Variants in DNAJC15 observed in about 807,000 individuals in gnomAD.
DNAJC15 encodes the protein dnaJ homolog subfamily C member 15.
A neutral mutation model predicts 22.4 loss-of-function variants in DNAJC15; 27 were observed. That is an observed-to-expected ratio of 1.20 (90% confidence interval 0.89 to 1.66). The LOEUF (loss-of-function observed/expected upper bound fraction) is 1.66. DNAJC15 is among the 40% of genes most tolerant of loss of function. The pLI, the probability that DNAJC15 is intolerant of heterozygous loss-of-function variation, is 0.00. For missense variants in DNAJC15, 208 were observed against 187.1 expected (o/e 1.11, Z -0.65); for synonymous variants, 79 against 63.2 (o/e 1.25, Z -1.19).
At chr13:43,070,565 C>T (rs1234452304) in intron 3 of DNAJC15, among the ~76,000 whole-genome samples, 1 of 151,944 alleles carries the variant, frequency 6.6e-6, no homozygotes, top group African/African-American at 2.4e-5. Flanking sequence ...GAATCTTTAC[C>T]TTAGATAGGC....
At chr13:43,044,777 A>G (rs2040468648) in intron 1 of DNAJC15, among the ~76,000 whole-genome samples, 1 of 151,558 alleles carries the variant, frequency 6.6e-6, no homozygotes, top group South Asian at 2.1e-4. Context: ...AGCAAATCCT[A>G]TTGGCCTTAC....
chr13:43,053,344 C>G (rs756419988), intron 1 of DNAJC15, among the ~76,000 whole-genome samples: 1 of 152,150 alleles, frequency 6.6e-6, no homozygotes, highest in Admixed American at 6.6e-5. Context: ...TGTGATGCCT[C>G]CAGATTTGTT....
chr13:43,074,651 A>G (rs1458834813), intron 3 of DNAJC15, among the ~76,000 whole-genome samples: 2 of 152,204 alleles, frequency 1.3e-5, no homozygotes, highest in East Asian at 3.8e-4. Context: ...ACAGAGTTAC[A>G]ATTTTGTGCT....
chr13:43,048,158 T>G (rs1392755579), intron 1 of DNAJC15, among the ~76,000 whole-genome samples: 2 of 152,204 alleles, frequency 1.3e-5, no homozygotes, highest in Non-Finnish European at 2.9e-5. Flanking sequence ...TTTGTAATTT[T>G]TGACAAGTGT....
Position 43,109,209 on chromosome 13 carries a change from A to G in DNAJC15, c.*1961A>G, listed in dbSNP as rs931114763. ...CACTTTATTCTTCACATGGTACATA[A>G]CTATAGGGGCTATAGCTTGGTACCT... On this transcript the variant is annotated 3_prime_UTR_variant, in exon 6 of 6. Transcript: ENST00000379221. 4.6e-5 allele frequency: 7 copies of G among 152,178 alleles called. No homozygotes were observed. Among genetic ancestry groups the G allele is most frequent in the African/African-American group, 9.7e-5 (4 of 41,432 alleles). The allele number at this position is 152,178 out of a possible 1,614,324, so 9.4% of individuals were successfully genotyped here. A position where few individuals can be genotyped will look rare whatever the true frequency, so the allele number is the denominator to read the frequency against.
rs116395845 is a variant in DNAJC15 at position 43,023,621 on chromosome 13, C to T, written c.-6C>T. Reference sequence around the variant, plus strand: ...GCGGCGCCTTGAGTCTCCGGGCCGCCTTGCCATGGCTGCCCGTGGTGTCAT... The same window carrying T: ...GCGGCGCCTTGAGTCTCCGGGCCGCTTTGCCATGGCTGCCCGTGGTGTCAT... On this transcript the variant is annotated 5_prime_UTR_variant, in exon 1 of 6. Coordinates refer to ENST00000379221, the MANE Select transcript of DNAJC15 (RefSeq NM_013238.3). 1.6e-4 allele frequency: 251 copies of T among 1,608,170 alleles called. 1 individual carries two copies. The African/African-American group carries it at 2.8e-3, about 18-fold the overall frequency.
Position 43,091,116 on chromosome 13 carries a change from A to G in DNAJC15, c.382+5278A>G, listed in dbSNP as rs537086629. Among the ~76,000 whole-genome samples, 3 of 150,170 alleles carry G rather than the reference A, an allele frequency of 2.0e-5. No homozygotes were observed. The South Asian group carries it at 6.4e-4, about 32-fold the overall frequency. ...TTTTTTATTTTTGAGACAGAATCTC[A>G]CTCTGTCACCTAGGCTGGAGTGCAG... On this transcript the variant is annotated intron_variant, in intron 5 of 5. Transcript: ENST00000379221.
At chr13:43,038,670 T>A (rs1254269758) in intron 1 of DNAJC15, among the ~76,000 whole-genome samples, 1 of 151,782 alleles carries the variant, frequency 6.6e-6, no homozygotes, top group Non-Finnish European at 1.5e-5. Context: ...CTGGCTCCTG[T>A]AGTACCAGCT....
chr13:43,085,913 A>G lies in DNAJC15; in HGVS notation c.382+75A>G, dbSNP rs75881215. 1.7e-4 allele frequency: 208 copies of G among 1,215,662 alleles called. 2 individuals are homozygous for G. In the East Asian group the frequency reaches 3.9e-3, roughly 23 times the overall value. The allele number at this position is 1,215,662 out of a possible 1,614,324, so 75.3% of individuals were successfully genotyped here. On this transcript the variant is annotated intron_variant, in intron 5 of 5. Transcript: ENST00000379221. ...AATTCCTTTCAGATTAAAGTCATAT[A>G]TGATATATAGTTGAGATGGAAGTTT...
At chr13:43,033,401 A>T (rs1358325336) in intron 1 of DNAJC15, among the ~76,000 whole-genome samples, 1 of 152,074 alleles carries the variant, frequency 6.6e-6, no homozygotes, top group African/African-American at 2.4e-5. Flanking sequence ...TGGGTGACAG[A>T]GTGAGACCCT....
At chr13:43,101,513 C>T (rs1410468178) in intron 5 of DNAJC15, among the ~76,000 whole-genome samples, 1 of 152,190 alleles carries the variant, frequency 6.6e-6, no homozygotes, top group Non-Finnish European at 1.5e-5. Context: ...GTGCACTCAT[C>T]ACCCAAGCAG....
At chr13:43,084,908 G>C (rs1452859522) in intron 4 of DNAJC15, among the ~76,000 whole-genome samples, 1 of 152,084 alleles carries the variant, frequency 6.6e-6, no homozygotes. Flanking sequence ...CTATAATGAA[G>C]CACTTGCTAC....
Position 43,082,190 on chromosome 13 carries a change from A to G in DNAJC15, c.311+3502A>G, listed in dbSNP as rs149988319. On this transcript the variant is annotated intron_variant, in intron 4 of 5. Coordinates refer to ENST00000379221, the MANE Select transcript of DNAJC15 (RefSeq NM_013238.3). ...CTCAAAAGCTCAGTAGTAGAAAAAA[A>G]AAAAGATGAAACCAAAACTGCTCCA... 6.2e-3 allele frequency among the ~76,000 whole-genome samples: 936 copies of G among 152,176 alleles called. 7 individuals carry two copies. Among genetic ancestry groups the G allele is most frequent in the Middle Eastern group, 0.024 (7 of 294 alleles).
Position 43,108,881 on chromosome 13 carries a change from A to C in DNAJC15, c.*1633A>C, listed in dbSNP as rs568983612. On this transcript the variant is annotated 3_prime_UTR_variant, in exon 6 of 6. Coordinates refer to ENST00000379221, the MANE Select transcript of DNAJC15 (RefSeq NM_013238.3). ...AAATTGATGGAACCTTGAAGTCGAT[A>C]AAATATATTTCTTGCTTTAAAGTCC... The C allele has an allele frequency of 5.9e-5, 9 of 152,186 alleles. No homozygotes were observed. In the South Asian group the frequency reaches 1.9e-3, roughly 32 times the overall value. 9.4% of individuals were successfully genotyped at this position (152,186 alleles called of 1,614,324 possible).
At chr13:43,038,476 AT>A (rs1364480520) in intron 1 of DNAJC15, among the ~76,000 whole-genome samples, 1 of 152,204 alleles carries the variant, frequency 6.6e-6, no homozygotes, top group Non-Finnish European at 1.5e-5. Flanking sequence ...CCATTTTTGT[AT>A]TAAACATAGG....
chr13:43,036,166 C>CTTTTTTTTT (rs1181907862), intron 1 of DNAJC15, among the ~76,000 whole-genome samples: 3 of 125,924 alleles, frequency 2.4e-5, no homozygotes, highest in African/African-American at 6.0e-5. Context: ...CAGTTTCTGT[C>CTTTTTTTTT]TTTTTTTTTT....
At chr13:43,026,904 T>C (rs144445822) in intron 1 of DNAJC15, among the ~76,000 whole-genome samples, 5 of 152,178 alleles carry the variant, frequency 3.3e-5, no homozygotes, top group Non-Finnish European at 1.5e-5. Flanking sequence ...TAAATATATC[T>C]TGTCATATTT....
At chr13:43,059,957 G>A (rs1471381078) in intron 1 of DNAJC15, among the ~76,000 whole-genome samples, 1 of 152,106 alleles carries the variant, frequency 6.6e-6, no homozygotes, top group Admixed American at 6.5e-5. Context: ...GTTAGGGTGG[G>A]GCAGAAACAA....
intron 4 of DNAJC15, among the ~76,000 whole-genome samples, chr13:43,081,072 A>G (rs1323464337): frequency 6.6e-6 from 1 of 152,228 alleles, no homozygotes; most frequent in Non-Finnish European, 1.5e-5. Flanking sequence ...ACATTCTGAC[A>G]TATTGCATAT....
Sources: gnomAD v4.1 joint callset for allele counts (sites outside exome capture counted in the v4.1 genomes callset) on GRCh38, gnomAD v4.1.1 for gene constraint, MANE v1.5 for transcripts, NCBI Gene and HGNC (gene_info 2026-07-23, HGNC 2026-07-21) for gene names.